The following KIF13B variants were observed in gnomAD, a reference collection of about 807,000 sequenced individuals.
KIF13B encodes the protein kinesin family member 13B.
A neutral mutation model predicts 222.0 loss-of-function variants in KIF13B; 127 were observed. The ratio of observed to expected loss-of-function variants is 0.57; its 90% CI spans 0.50 to 0.66. KIF13B has a LOEUF of 0.66. Among genes scored for constraint, KIF13B ranks in the 30% least tolerant of loss-of-function variants. KIF13B has a pLI of 0.00. For missense variants in KIF13B, 2,173 were observed against 2,379.0 expected (o/e 0.91, Z 1.80); for synonymous variants, 976 against 919.0 (o/e 1.06, Z -1.12).
chr8:29,239,831 T>G (rs989867170), intron 2 of KIF13B, among the ~76,000 whole-genome samples: 2 of 152,052 alleles, frequency 1.3e-5, no homozygotes, highest in Non-Finnish European at 2.9e-5. Flanking sequence ...CCTGGCTAAT[T>G]TTTGTATTTT....
At chr8:29,208,725 G>T (rs1237397220) in intron 2 of KIF13B, among the ~76,000 whole-genome samples, 1 of 152,158 alleles carries the variant, frequency 6.6e-6, no homozygotes, top group Non-Finnish European at 1.5e-5. Context: ...ACCTTGGTCA[G>T]TGACTCTTAG....
At chr8:29,090,503 G>T (rs767396339) in intron 37 of KIF13B, among the ~76,000 whole-genome samples, 3 of 152,088 alleles carry the variant, frequency 2.0e-5, no homozygotes, top group East Asian at 3.9e-4. Flanking sequence ...GCCTGGAGAT[G>T]TAAGTGTTTC....
At chr8:29,230,654 C>T (rs902609224) in intron 2 of KIF13B, among the ~76,000 whole-genome samples, 11 of 152,264 alleles carry the variant, frequency 7.2e-5, no homozygotes, top group East Asian at 1.9e-4. Context: ...ATTATGAGCA[C>T]GTGAAGCTGG....
intron 2 of KIF13B, among the ~76,000 whole-genome samples, chr8:29,244,131 A>T (rs1383354068): frequency 6.6e-6 from 1 of 152,050 alleles, no homozygotes; most frequent in African/African-American, 2.4e-5. Flanking sequence ...CTCCTGCCTC[A>T]GCCTCCCAAG....
intron 33 of KIF13B, 47 bp downstream of exon 33, chr8:29,109,871 C>G: frequency 1.3e-6 from 2 of 1,591,784 alleles, no homozygotes; most frequent in Non-Finnish European, 1.7e-6. Context: ...CAGACTCAGC[C>G]TGCATCAGGG....
At chr8:29,246,558 GA>G (rs1170027566) in intron 1 of KIF13B, among the ~76,000 whole-genome samples, 3 of 152,084 alleles carry the variant, frequency 2.0e-5, no homozygotes, top group African/African-American at 7.2e-5. Context: ...AAGATTCAAG[GA>G]AATCCTATTA....
intron 2 of KIF13B, among the ~76,000 whole-genome samples, chr8:29,203,146 C>T (rs908673788): frequency 2.6e-5 from 4 of 152,156 alleles, no homozygotes; most frequent in South Asian, 2.1e-4. Flanking sequence ...TCTTCCTTTA[C>T]GGGAATGTCC....
chr8:29,077,481 C>G (rs888217541), intron 37 of KIF13B, among the ~76,000 whole-genome samples: 3 of 152,214 alleles, frequency 2.0e-5, no homozygotes, highest in African/African-American at 7.2e-5. Context: ...TTCTCAAACT[C>G]CAAAATACTT....
chr8:29,070,774 G>T lies in KIF13B; in HGVS notation c.5219-8C>A. 6.3e-7 allele frequency: 1 copy of T among 1,585,230 alleles called. No homozygotes were observed. The highest frequency in any genetic ancestry group is 8.6e-7 in the Non-Finnish European group (1 of 1,166,476). On this transcript the variant is annotated splice_polypyrimidine_tract_variant and splice_region_variant and intron_variant, in intron 39 of 39. Coordinates refer to ENST00000524189, the MANE Select transcript of KIF13B (RefSeq NM_015254.4). This position sits in a 1 kb window ranked among gnomAD's most constrained non-coding sequence, Gnocchi z 4.1. Reference sequence around the variant, plus strand: ...TGGAACCGTCATTCTTACCTGCGGGGGAAGGAGAGGGTGATATGGAGGGCA... The same window carrying T: ...TGGAACCGTCATTCTTACCTGCGGGTGAAGGAGAGGGTGATATGGAGGGCA...
intron 4 of KIF13B, chr8:29,189,981 T>C (rs1189287863): frequency 7.2e-5 from 11 of 152,268 alleles, no homozygotes; most frequent in Admixed American, 7.2e-4. Flanking sequence ...TCTACAGTTA[T>C]GCAAAAGAAT....
chr8:29,131,272 C>T (rs142213435), intron 23 of KIF13B, among the ~76,000 whole-genome samples: 2,021 of 151,132 alleles, frequency 0.013, 13 homozygotes, highest in Non-Finnish European at 0.02. Flanking sequence ...AGCTCAGCAT[C>T]ACACAATATA....
chr8:29,144,801 T>C (rs979486287), intron 18 of KIF13B, among the ~76,000 whole-genome samples: 7 of 152,110 alleles, frequency 4.6e-5, no homozygotes, highest in African/African-American at 1.7e-4. Flanking sequence ...TTAAACAACT[T>C]TTCAAATACC....
intron 14 of KIF13B, among the ~76,000 whole-genome samples, chr8:29,154,246 C>T (rs1042430859): frequency 6.6e-6 from 1 of 151,998 alleles, no homozygotes; most frequent in Non-Finnish European, 1.5e-5. Flanking sequence ...GAGCTCAGAA[C>T]TTGGAGGCTG....
intron 1 of KIF13B, among the ~76,000 whole-genome samples, chr8:29,262,260 CAG>C (rs2117195005): frequency 6.6e-6 from 1 of 152,338 alleles, no homozygotes; most frequent in East Asian, 1.9e-4. Context: ...ACACTCCCTG[CAG>C]AGTTAAGAGA....
intron 29 of KIF13B, 68 bp from the exon 30 acceptor site, chr8:29,119,060 CA>C: frequency 2.0e-6 from 3 of 1,478,940 alleles, no homozygotes; most frequent in Non-Finnish European, 2.8e-6. Context: ...AGCTAAATTT[CA>C]ATGTGATTAT....
chr8:29,214,707 T>C (rs1302645866), intron 2 of KIF13B, among the ~76,000 whole-genome samples: 5 of 152,226 alleles, frequency 3.3e-5, no homozygotes, highest in Admixed American at 1.3e-4. Flanking sequence ...AAGTATTATA[T>C]ACCATGCATA....
rs78840819 is a variant in KIF13B, at chr8:29,235,508, G to A, written c.149+9838C>T. On this transcript the variant is annotated intron_variant, in intron 2 of 39. Coordinates refer to ENST00000524189, the MANE Select transcript of KIF13B (RefSeq NM_015254.4). The stretch of plus-strand genomic sequence containing the variant: ...TAACATCAGAGCAGGAGGCCTTTGA[G>A]AACGAGCACTAACAGAACCACTGCA... Among the ~76,000 whole-genome samples, 17 of 152,278 alleles carry A rather than the reference G, an allele frequency of 1.1e-4. No homozygotes were observed. In the East Asian group the frequency reaches 3.1e-3, roughly 28 times the overall value.
chr8:29,200,037 T>G (rs1221499886), intron 2 of KIF13B, among the ~76,000 whole-genome samples: 1 of 152,126 alleles, frequency 6.6e-6, no homozygotes, highest in East Asian at 1.9e-4. Flanking sequence ...TGAAATTCAA[T>G]AACATATGAC....
intron 2 of KIF13B, among the ~76,000 whole-genome samples, chr8:29,240,514 T>A (rs1392663245): frequency 6.6e-6 from 1 of 152,242 alleles, no homozygotes; most frequent in Non-Finnish European, 1.5e-5. Context: ...TTTGTTAAAC[T>A]GATAGGTACA....
Sources: gnomAD v4.1 joint callset for allele counts (sites outside exome capture counted in the v4.1 genomes callset) on GRCh38, gnomAD v4.1.1 for gene constraint, Gnocchi (gnomAD v3.1) non-coding constraint, MANE v1.5 for transcripts, NCBI Gene and HGNC (gene_info 2026-07-23, HGNC 2026-07-21) for gene names.